The following SRGAP1 variants were observed in gnomAD, a reference collection of about 807,000 sequenced individuals.
SRGAP1 encodes SLIT-ROBO Rho GTPase-activating protein 1.
A neutral mutation model predicts 121.9 loss-of-function variants in SRGAP1; 43 were observed. That is an observed-to-expected ratio of 0.35 (90% CI 0.28 to 0.46). The LOEUF is 0.46. Among genes scored for constraint, SRGAP1 ranks in the 20% least tolerant of loss-of-function variants. The pLI is 1.00. For synonymous variants in SRGAP1, 447 were observed against 485.4 expected (o/e 0.92, Z 1.04); for missense variants, 1,102 against 1,350.9 (o/e 0.82, Z 2.89).
intron 1 of SRGAP1, among the ~76,000 whole-genome samples, chr12:63,946,868 A>G (rs192723528): frequency 1.3e-5 from 2 of 152,298 alleles, no homozygotes; most frequent in East Asian, 1.9e-4. Context: ...AGAATTTTAT[A>G]TAAATGGAAT....
At chr12:63,999,558 G>A (rs1425931551) in intron 3 of SRGAP1, among the ~76,000 whole-genome samples, 1 of 152,156 alleles carries the variant, frequency 6.6e-6, no homozygotes, top group Admixed American at 6.5e-5. Context: ...GGCTGGGTGG[G>A]AGAGAAGAGA....
Position 64,141,285 on chromosome 12 carries a change from A to G in SRGAP1, c.2881-1010A>G, listed in dbSNP as rs547872085. On this transcript the variant is annotated intron_variant, in intron 21 of 21. Transcript: ENST00000355086. Reference sequence around the variant, plus strand: ...CTTAAAGTATAATAAAAAAAAAAAAAAAAAAGAAAAACTTGGCCCGGCACG... The same window carrying G: ...CTTAAAGTATAATAAAAAAAAAAAAGAAAAAGAAAAACTTGGCCCGGCACG... 4.8e-3 allele frequency among the ~76,000 whole-genome samples: 612 copies of G among 126,812 alleles called. 5 individuals are homozygous for G. Among genetic ancestry groups the G allele is most frequent in the Non-Finnish European group, 6.2e-3 (379 of 60,888 alleles). 83.2% of individuals were successfully genotyped at this position (126,812 alleles called of 152,430 possible).
In SRGAP1 at chr12:64,134,170, T is replaced by C. The variant is rs558799532; in HGVS notation, c.2880+5970T>C. 8.5e-5 allele frequency among the ~76,000 whole-genome samples: 13 copies of C among 152,068 alleles called. No homozygotes were observed. The East Asian group carries it at 2.1e-3, about 25-fold the overall frequency. ...AGTGCGGTGGCTCATGCCTATAATC[T>C]CAGCACTTTGGGAGGCCAAGGCAGG... On this transcript the variant is annotated intron_variant, in intron 21 of 21. Transcript: ENST00000355086.
At chr12:64,005,762 G>A (rs1007242537) in intron 3 of SRGAP1, among the ~76,000 whole-genome samples, 6 of 152,180 alleles carry the variant, frequency 3.9e-5, no homozygotes, top group East Asian at 1.9e-4. Context: ...TCACTCTACC[G>A]AAGAAGTCAT....
chr12:64,046,389 A>G (rs893301842), intron 6 of SRGAP1, among the ~76,000 whole-genome samples: 4 of 152,160 alleles, frequency 2.6e-5, no homozygotes, highest in African/African-American at 9.6e-5. Context: ...GAAATAGACT[A>G]AAGGAGGCAG....
At chr12:63,898,509 T>C (rs1278862537) in intron 1 of SRGAP1, among the ~76,000 whole-genome samples, 4 of 152,244 alleles carry the variant, frequency 2.6e-5, no homozygotes, top group Admixed American at 2.0e-4. Context: ...TGTTCCAATA[T>C]GGGAACTTTC....
intron 1 of SRGAP1, among the ~76,000 whole-genome samples, chr12:63,902,039 G>A (rs1434578863): frequency 6.6e-6 from 1 of 152,224 alleles, no homozygotes; most frequent in Non-Finnish European, 1.5e-5. Flanking sequence ...TGGCTGGGGA[G>A]TGTGGTGGCT....
Position 64,111,852 on chromosome 12 carries a change from G to A in SRGAP1, c.2010G>A (p.Gln670=), listed in dbSNP as rs147903674. The stretch of plus-strand genomic sequence containing the variant: ...CATTGATGCCTGTCCCAGAAATACA[G>A]GATCAAGTGTCTTGCCAGGCACATG... ...GPTLMPVPEI[Q]DQVSCQAHVN... The change falls in exon 17 of 22, where the codon CAG becomes CAA. Residue 670 remains glutamine (Q), a synonymous_variant. Transcript: ENST00000355086. 2 of 1,613,854 alleles carry A rather than the reference G, an allele frequency of 1.2e-6. No individual in the cohort carries two copies. Among genetic ancestry groups the A allele is most frequent in the African/African-American group, 1.3e-5 (1 of 74,860 alleles).
In SRGAP1 at chr12:63,949,185, A is replaced by AT. The variant is rs571927586; in HGVS notation, c.68-34753dup. On this transcript the variant is annotated intron_variant, in intron 1 of 21. Transcript: ENST00000355086. ...CCATATATATATTTTTTCCATATATATTTTTTTTTCCATATATATATATAT... is the reference window on the plus strand; with the variant it reads ...CCATATATATATTTTTTCCATATATATTTTTTTTTTCCATATATATATATAT... 6.7e-3 allele frequency among the ~76,000 whole-genome samples: 646 copies of AT among 96,290 alleles called. 31 individuals carry two copies. The highest frequency in any genetic ancestry group is 0.025 in the African/African-American group (616 of 24,732). The allele number at this position is 96,290 out of a possible 152,430, so 63.2% of individuals were successfully genotyped here.
At chr12:64,034,196 C>T (rs1410934227) in intron 4 of SRGAP1, among the ~76,000 whole-genome samples, 2 of 141,524 alleles carry the variant, frequency 1.4e-5, no homozygotes, top group African/African-American at 6.4e-5. Flanking sequence ...TGGTTTAGCA[C>T]CATCCTGCTC....
chr12:63,900,913 A>G (rs1010407538), intron 1 of SRGAP1, among the ~76,000 whole-genome samples: 2 of 152,202 alleles, frequency 1.3e-5, no homozygotes, highest in African/African-American at 4.8e-5. Context: ...GTATAACAGG[A>G]GTGAGCAGTA....
intron 3 of SRGAP1, among the ~76,000 whole-genome samples, chr12:64,004,695 A>G (rs984452966): frequency 1.3e-5 from 2 of 152,196 alleles, no homozygotes; most frequent in African/African-American, 2.4e-5. Flanking sequence ...TCAAAGAGGC[A>G]TAGACACATT....
chr12:64,070,921 C>T (rs1461470942), intron 8 of SRGAP1, among the ~76,000 whole-genome samples: 1 of 152,084 alleles, frequency 6.6e-6, no homozygotes. Context: ...TTCTCAAGTT[C>T]TTTTGAGACT....
chr12:63,878,006 G>A (rs1420516117), intron 1 of SRGAP1, among the ~76,000 whole-genome samples: 2 of 152,158 alleles, frequency 1.3e-5, no homozygotes, highest in African/African-American at 4.8e-5. Context: ...TCTACATTTG[G>A]GAGAATTAGC....
intron 3 of SRGAP1, among the ~76,000 whole-genome samples, chr12:64,003,021 A>AGT (rs1369706832): frequency 3.2e-5 from 4 of 126,436 alleles, no homozygotes; most frequent in Non-Finnish European, 4.8e-5. Flanking sequence ...TGTGTATGTG[A>AGT]GTGAGAGAGA....
intron 4 of SRGAP1, among the ~76,000 whole-genome samples, chr12:64,027,224 T>G (rs2034672497): frequency 6.6e-6 from 1 of 152,086 alleles, no homozygotes; most frequent in South Asian, 2.1e-4. Flanking sequence ...CAGAGAGATG[T>G]TAAGTACCTT....
chr12:64,111,921 T>C lies in SRGAP1; in HGVS notation c.2079T>C (p.Ile693=). 1 of 1,614,084 alleles carries C rather than the reference T, an allele frequency of 6.2e-7. No homozygotes were observed. The highest frequency in any genetic ancestry group is 8.5e-7 in the Non-Finnish European group (1 of 1,179,986). Residue 693 remains isoleucine, a synonymous_variant, in exon 17 of 22, where the codon ATT becomes ATC. Transcript: ENST00000355086. ...IKTIIIHHET[I]FPDAKELDGP... is the part of the protein sequence containing the mutation. ...CCATCATCATCCACCATGAGACTATTTTCCCAGATGCTAAAGAGCTGGATG... is the reference window on the plus strand; with the variant it reads ...CCATCATCATCCACCATGAGACTATCTTCCCAGATGCTAAAGAGCTGGATG...
chr12:64,046,924 A>G (rs965012436), intron 6 of SRGAP1, among the ~76,000 whole-genome samples: 29 of 152,286 alleles, frequency 1.9e-4, no homozygotes, highest in African/African-American at 5.5e-4. Context: ...ACTGAAAAAA[A>G]AAACAAAACA....
intron 15 of SRGAP1, 79 bp from the exon 16 acceptor site, chr12:64,108,853 C>T (rs1372088147): frequency 3.5e-5 from 32 of 914,762 alleles, no homozygotes; most frequent in Non-Finnish European, 4.7e-5. Flanking sequence ...AGATGTGTAC[C>T]GGTAATACAT....
Sources: gnomAD v4.1 joint callset for allele counts (sites outside exome capture counted in the v4.1 genomes callset) on GRCh38, gnomAD v4.1.1 for gene constraint, MANE v1.5 for transcripts, NCBI Gene and HGNC (gene_info 2026-07-23, HGNC 2026-07-21) for gene names.